Variants in GRIK2 observed in about 807,000 individuals in gnomAD.
The protein encoded by GRIK2 is glutamate receptor ionotropic, kainate 2.
GRIK2 carries 32 observed loss-of-function variants against 100.3 expected under a neutral mutation model. That is an observed-to-expected ratio of 0.32 (90% CI 0.24 to 0.43). The LOEUF is 0.43. Among genes scored for constraint, GRIK2 ranks in the 20% least tolerant of loss-of-function variants. The pLI is 1.00. For missense variants in GRIK2, 843 were observed against 1,114.9 expected, an observed-to-expected ratio of 0.76 and a Z score of 3.47; for synonymous variants, 417 against 389.4, an observed-to-expected ratio of 1.07 and a Z score of -0.83.
At chr6:101,571,381 T>C (rs1407243415) in intron 2 of GRIK2, among the ~76,000 whole-genome samples, 1 of 152,154 alleles carries the variant, frequency 6.6e-6, no homozygotes. Flanking sequence ...GTCATTTTCT[T>C]AGTGCCATGT....
intron 12 of GRIK2, among the ~76,000 whole-genome samples, chr6:101,892,094 A>G (rs1787141547): frequency 6.6e-6 from 1 of 152,088 alleles, no homozygotes; most frequent in South Asian, 2.1e-4. Context: ...ATTTCCCAGG[A>G]GGATAGAAAT....
intron 10 of GRIK2, among the ~76,000 whole-genome samples, chr6:101,823,068 A>T (rs1782059569): frequency 6.6e-6 from 1 of 152,118 alleles, no homozygotes; most frequent in Non-Finnish European, 1.5e-5. Context: ...TACGGAGAAC[A>T]TTATTTAGGC....
chr6:101,793,445 G>A (rs967724380), intron 7 of GRIK2, among the ~76,000 whole-genome samples: 8 of 152,222 alleles, frequency 5.3e-5, no homozygotes, highest in African/African-American at 1.9e-4. Flanking sequence ...CTCAGCTGCA[G>A]GTCTGTTGGA....
chr6:101,402,049 T>C (rs1775338525), intron 2 of GRIK2, among the ~76,000 whole-genome samples: 1 of 152,086 alleles, frequency 6.6e-6, no homozygotes, highest in Admixed American at 6.5e-5. Context: ...TGTGTTATCC[T>C]TCCCCTTGCT....
rs545427879 is a variant in GRIK2 at position 101,883,756 on chromosome 6, G to A, written c.1525-5884G>A. Among the ~76,000 whole-genome samples the A allele has an allele frequency of 2.3e-3, 346 of 152,204 alleles. 1 individual carries two copies. Among genetic ancestry groups the A allele is most frequent in the South Asian group, 7.2e-3 (35 of 4,828 alleles). On this transcript the variant is annotated intron_variant, in intron 11 of 16. Transcript: ENST00000369134. ...TTTCCAGGGAGAGGGAATAGCAAGC[G>A]TAAGGCCTGGAAAAAGGAATGTGTA... is the stretch of plus-strand genomic sequence containing the variant.
rs1404230042 is a variant in GRIK2 at position 102,038,104 on chromosome 6, A to G, written c.2311+2538A>G. Among the ~76,000 whole-genome samples the G allele has an allele frequency of 2.0e-5, 3 of 151,444 alleles. No homozygotes were observed. In the Admixed American group the frequency reaches 2.0e-4, roughly 10 times the overall value. ...AACTAGTAAAAGAAGAGGATTGTAT[A>G]TCTCAGGTCCATTTAAATGCTAAAT... On this transcript the variant is annotated intron_variant, in intron 15 of 16. Coordinates refer to ENST00000369134, the MANE Select transcript of GRIK2 (RefSeq NM_021956.5).
intron 10 of GRIK2, among the ~76,000 whole-genome samples, chr6:101,852,676 G>A (rs939566554): frequency 4.6e-5 from 7 of 152,120 alleles, no homozygotes; most frequent in African/African-American, 7.2e-5. Flanking sequence ...AAATGCTATG[G>A]TAAAAGTATT....
chr6:101,447,642 A>G lies in GRIK2; in HGVS notation c.115+48250A>G, dbSNP rs773369727. 1.5e-4 allele frequency among the ~76,000 whole-genome samples: 23 copies of G among 151,814 alleles called. No homozygotes were observed. The South Asian group carries it at 4.8e-3, about 31-fold the overall frequency. ...AAGGAGTGTAGCTCCCATGTAGTTC[A>G]GTTCTGACATCTTTACAATATCTCT... On this transcript the variant is annotated intron_variant, in intron 2 of 16. Coordinates refer to ENST00000369134, the MANE Select transcript of GRIK2 (RefSeq NM_021956.5).
intron 16 of GRIK2, among the ~76,000 whole-genome samples, chr6:102,058,793 T>C (rs1771598799): frequency 6.6e-6 from 1 of 151,420 alleles, no homozygotes; most frequent in African/African-American, 2.4e-5. Flanking sequence ...TATTTATTGA[T>C]AAATAAGTCT....
intron 4 of GRIK2, among the ~76,000 whole-genome samples, chr6:101,673,556 T>G (rs927385134): frequency 2.6e-5 from 4 of 152,326 alleles, no homozygotes; most frequent in Admixed American, 2.6e-4. Context: ...TAAGATTCTC[T>G]GACCTGCTCC....
intron 2 of GRIK2, among the ~76,000 whole-genome samples, chr6:101,424,117 A>G (rs1776561401): frequency 1.3e-5 from 2 of 152,154 alleles, no homozygotes; most frequent in Non-Finnish European, 2.9e-5. Context: ...TAAAATTCAT[A>G]ACAAGTGCTA....
chr6:101,873,634 T>C lies in GRIK2; in HGVS notation c.1524+14141T>C, dbSNP rs1029098992. ...CCAGTAATGGGATGGCTGGGTCAAA[T>C]GGTATTTCTAGTTCTAGATCCTTGA... is the stretch of plus-strand genomic sequence containing the variant. On this transcript the variant is annotated intron_variant, in intron 11 of 16. Coordinates refer to ENST00000369134, the MANE Select transcript of GRIK2 (RefSeq NM_021956.5). 9.9e-5 allele frequency among the ~76,000 whole-genome samples: 15 copies of C among 152,122 alleles called. No homozygotes were observed. In the East Asian group the frequency reaches 2.5e-3, roughly 26 times the overall value.
intron 15 of GRIK2, among the ~76,000 whole-genome samples, chr6:102,048,996 G>T (rs980270847): frequency 6.6e-6 from 1 of 151,712 alleles, no homozygotes; most frequent in Non-Finnish European, 1.5e-5. Flanking sequence ...TATTAAGGAA[G>T]AACAAAAAGC....
intron 2 of GRIK2, among the ~76,000 whole-genome samples, chr6:101,466,248 G>A (rs1399458129): frequency 1.3e-5 from 2 of 151,774 alleles, no homozygotes; most frequent in African/African-American, 2.4e-5. Flanking sequence ...CCTCCAAGAA[G>A]CACAGTTATA....
intron 7 of GRIK2, among the ~76,000 whole-genome samples, chr6:101,728,686 G>A: frequency 6.6e-6 from 1 of 151,934 alleles, no homozygotes; most frequent in East Asian, 1.9e-4. Context: ...ACTCAGTGTT[G>A]TTATTATTAA....
At chr6:101,511,367 C>G (rs1398452383) in intron 2 of GRIK2, among the ~76,000 whole-genome samples, 1 of 152,036 alleles carries the variant, frequency 6.6e-6, no homozygotes, top group Admixed American at 6.6e-5. Flanking sequence ...CTTTAAGATG[C>G]CTTACAGTTC....
At chr6:101,532,475 A>G (rs1775488366) in intron 2 of GRIK2, among the ~76,000 whole-genome samples, 1 of 151,840 alleles carries the variant, frequency 6.6e-6, no homozygotes, top group South Asian at 2.1e-4. Flanking sequence ...CACCAGGTGC[A>G]GATAGCAAAC....
chr6:101,608,823 ATG>A (rs750756976), intron 2 of GRIK2, among the ~76,000 whole-genome samples: 8 of 109,348 alleles, frequency 7.3e-5, no homozygotes, highest in Admixed American at 1.9e-4. Flanking sequence ...GTATGTATGT[ATG>A]TGTGTGTGTG....
intron 14 of GRIK2, among the ~76,000 whole-genome samples, chr6:102,029,940 AAG>A (rs1258956426): frequency 1.3e-5 from 2 of 151,240 alleles, no homozygotes; most frequent in Non-Finnish European, 3.0e-5. Context: ...CATATATATA[AAG>A]TTATCATAAT....
Sources: allele counts gnomAD v4.1 joint callset (sites outside exome capture counted in the v4.1 genomes callset), GRCh38; gene constraint gnomAD v4.1.1; transcripts MANE v1.5; gene names NCBI Gene and HGNC (gene_info 2026-07-23, HGNC 2026-07-21).